The following UBE4B variants were observed in gnomAD, a reference collection of about 807,000 sequenced individuals.
The protein encoded by UBE4B is ubiquitination factor E4B.
A neutral mutation model predicts 148.1 loss-of-function variants in UBE4B; 27 were observed. The observed-to-expected ratio is 0.18, with a 90% CI of 0.13 to 0.25. UBE4B has a LOEUF of 0.25. Among genes scored for constraint, UBE4B ranks in the 10% least tolerant of loss-of-function variants. The probability of loss-of-function intolerance (pLI) is 1.00; values close to 1 mark genes in which losing one functional copy is unlikely to be tolerated. For synonymous variants in UBE4B, 596 were observed against 619.3 expected (o/e 0.96, Z 0.56); for missense variants, 1,170 against 1,662.4 (o/e 0.70, Z 5.15).
intron 1 of UBE4B, among the ~76,000 whole-genome samples, chr1:10,068,837 C>T (rs1489035522): frequency 2.6e-5 from 4 of 152,204 alleles, no homozygotes; most frequent in Non-Finnish European, 5.9e-5. Flanking sequence ...CACCCAAGGG[C>T]ATTATCCTCT....
At position 10,130,805 on chromosome 1, in the gene UBE4B, C is replaced by T; in HGVS notation, c.1903C>T (p.Leu635Phe). ...VSQSLQHYLE[L>F]GRQELFKILH... ...CCAATCATTGCAGCATTACTTAGAGCTCGGAAGGGTAAGTGTTCAGAAAAC... is the reference window on the plus strand; with the variant it reads ...CCAATCATTGCAGCATTACTTAGAGTTCGGAAGGGTAAGTGTTCAGAAAAC... Residue 635 changes from leucine to phenylalanine, a missense_variant, in exon 14 of 28, where the codon CTC becomes TTC. Transcript: ENST00000343090. 1 of 1,613,968 alleles carries T rather than the reference C, an allele frequency of 6.2e-7. No individual in the cohort carries two copies. Among genetic ancestry groups the T allele is most frequent in the Non-Finnish European group, 8.5e-7 (1 of 1,179,878 alleles).
At chr1:10,148,911 G>A (rs142162753) in intron 19 of UBE4B, among the ~76,000 whole-genome samples, 2,624 of 152,228 alleles carry the variant, frequency 0.017, 34 homozygotes, top group Non-Finnish European at 0.027. Flanking sequence ...CTGCACTCCA[G>A]CCTGGGTGAC....
At chr1:10,041,719 A>G (rs552985574) in intron 1 of UBE4B, among the ~76,000 whole-genome samples, 1 of 151,380 alleles carries the variant, frequency 6.6e-6, no homozygotes, top group African/African-American at 2.4e-5. Context: ...GTTTTTTAAG[A>G]CAGAGCCTCG....
intron 2 of UBE4B, among the ~76,000 whole-genome samples, chr1:10,090,379 C>T (rs769978598): frequency 6.6e-5 from 10 of 152,076 alleles, no homozygotes; most frequent in Non-Finnish European, 1.0e-4. Flanking sequence ...CCTTGGCCTC[C>T]AAAAGTTCTG....
chr1:10,041,335 C>CTTTTT (rs573440480), intron 1 of UBE4B, among the ~76,000 whole-genome samples: 1 of 132,140 alleles, frequency 7.6e-6, no homozygotes, highest in Non-Finnish European at 1.6e-5. Context: ...TTTTGGCATT[C>CTTTTT]TTTTTTTTTT....
intron 2 of UBE4B, among the ~76,000 whole-genome samples, chr1:10,089,093 G>C (rs889559402): frequency 2.6e-5 from 4 of 152,164 alleles, no homozygotes; most frequent in African/African-American, 9.7e-5. Context: ...TGCAACCTCT[G>C]CCTCCCAGGT....
At chr1:10,062,848 C>T (rs934841398) in intron 1 of UBE4B, among the ~76,000 whole-genome samples, 20 of 148,842 alleles carry the variant, frequency 1.3e-4, no homozygotes, top group Middle Eastern at 3.7e-3. Context: ...CCCAGCGACT[C>T]GGGAGGCTGA....
chr1:10,066,033 C>T (rs1226296904), intron 1 of UBE4B, among the ~76,000 whole-genome samples: 1 of 140,782 alleles, frequency 7.1e-6, no homozygotes, highest in African/African-American at 2.6e-5. Flanking sequence ...CCCTCCCTCC[C>T]TCCCCCCCTC....
intron 2 of UBE4B, among the ~76,000 whole-genome samples, chr1:10,093,675 G>C (rs971341496): frequency 1.3e-5 from 2 of 151,380 alleles, no homozygotes; most frequent in Non-Finnish European, 2.9e-5. Context: ...AAGTTTCTCT[G>C]TTTTCTTTTT....
intron 2 of UBE4B, among the ~76,000 whole-genome samples, chr1:10,074,047 G>A (rs182106820): frequency 1.2e-4 from 18 of 148,660 alleles, no homozygotes; most frequent in East Asian, 1.0e-3. Flanking sequence ...CAGATGATCC[G>A]TCTGCTTCAG....
intron 25 of UBE4B, among the ~76,000 whole-genome samples, chr1:10,178,168 T>G (rs1039295905): frequency 1.3e-5 from 2 of 151,994 alleles, no homozygotes; most frequent in South Asian, 2.1e-4. Flanking sequence ...TCCTCTAGAG[T>G]ATGAACAATA....
chr1:10,175,355 A>AAAATAAAAAAAAATAGC (rs1646401270), intron 25 of UBE4B, among the ~76,000 whole-genome samples: 1 of 152,150 alleles, frequency 6.6e-6, no homozygotes, highest in South Asian at 2.1e-4. Context: ...ACCTACTTAG[A>AAAATAAAAAAAAATAGC]AAATAAAAAA....
At chr1:10,081,115 T>C (rs893044361) in intron 2 of UBE4B, among the ~76,000 whole-genome samples, 1 of 152,236 alleles carries the variant, frequency 6.6e-6, no homozygotes, top group Admixed American at 6.5e-5. Context: ...CAGGCTGGCA[T>C]ACAATGGCAC....
chr1:10,052,371 C>T (rs1644066947), intron 1 of UBE4B, among the ~76,000 whole-genome samples: 2 of 152,086 alleles, frequency 1.3e-5, no homozygotes, highest in Admixed American at 1.3e-4. Flanking sequence ...TGGGCCTGGT[C>T]AGTGGTGATT....
At chr1:10,129,690 A>T (rs1645560203) in intron 12 of UBE4B, among the ~76,000 whole-genome samples, 1 of 152,078 alleles carries the variant, frequency 6.6e-6, no homozygotes, top group Admixed American at 6.6e-5. Context: ...TCTGTCACCC[A>T]GGCTGGATGG....
At chr1:10,126,010 T>C (rs1055056880) in intron 10 of UBE4B, among the ~76,000 whole-genome samples, 5 of 152,166 alleles carry the variant, frequency 3.3e-5, no homozygotes, top group African/African-American at 1.2e-4. Flanking sequence ...TTAAAAAATA[T>C]TGATAGAGGG....
rs770698545 is a variant in UBE4B at position 10,103,029 on chromosome 1, C to T, written c.517C>T (p.Arg173Trp). 191 of 1,613,218 alleles carry T rather than the reference C, an allele frequency of 1.2e-4. No individual in the cohort carries two copies. In the Admixed American group the frequency reaches 2.7e-3, roughly 23 times the overall value. ...CKIFRVSWKD[R>W]DRDVIFLSSL... ...GATCTTCCGTGTCTCTTGGAAGGACCGGGACAGAGATGTCATCTTTCTTTC... is the reference window on the plus strand; with the variant it reads ...GATCTTCCGTGTCTCTTGGAAGGACTGGGACAGAGATGTCATCTTTCTTTC... Residue 173 changes from arginine to tryptophan, a missense_variant, in exon 5 of 28, where the codon CGG (arginine) becomes TGG (tryptophan). Physicochemically the swap from Arg to Trp is moderately radical, Grantham distance 101. This residue lies in a region of UBE4B where 91 missense variants were observed against 120.5 expected (regional missense o/e 0.76). Coordinates refer to ENST00000343090, the MANE Select transcript of UBE4B (RefSeq NM_001105562.3).
chr1:10,041,282 T>TA (rs1272272295), intron 1 of UBE4B, among the ~76,000 whole-genome samples: 3 of 121,648 alleles, frequency 2.5e-5, no homozygotes, highest in Admixed American at 2.4e-4. Context: ...TCTATCGCTT[T>TA]ACTACCTCTA....
intron 2 of UBE4B, among the ~76,000 whole-genome samples, chr1:10,089,701 A>AT (rs113644846): frequency 0.036 from 5,135 of 142,206 alleles, 132 homozygotes; most frequent in South Asian, 0.082. Flanking sequence ...TACTTTTGTA[A>AT]TTTTTTTTTT....
Sources: allele counts gnomAD v4.1 joint callset (sites outside exome capture counted in the v4.1 genomes callset), GRCh38; gene constraint gnomAD v4.1.1; regional missense constraint gnomAD v4.1.1; transcripts MANE v1.5; gene names NCBI Gene and HGNC (gene_info 2026-07-23, HGNC 2026-07-21).